The following CDH9 variants were observed in gnomAD, a reference collection of about 807,000 sequenced individuals.
The protein encoded by CDH9 is cadherin 9.
In CDH9, 28 loss-of-function variants were observed where a neutral mutation model predicts 70.9. The ratio of observed to expected loss-of-function variants is 0.40; its 90% CI spans 0.29 to 0.54. The LOEUF is 0.54. Ranked by LOEUF, CDH9 falls within the 20% of genes least tolerant of loss-of-function variation. The pLI, the probability that CDH9 is intolerant of heterozygous loss-of-function variation, is 0.59. For missense variants in CDH9, 874 were observed against 984.4 expected, an observed-to-expected ratio of 0.89 and a Z score of 1.50; for synonymous variants, 409 against 343.1, an observed-to-expected ratio of 1.19 and a Z score of -2.12.
At chr5:27,010,300 C>A (rs532121086) in intron 1 of CDH9, among the ~76,000 whole-genome samples, 1 of 152,156 alleles carries the variant, frequency 6.6e-6, no homozygotes, top group Non-Finnish European at 1.5e-5. Context: ...TAGATCCTCA[C>A]GTAAGTGGAA....
intron 1 of CDH9, among the ~76,000 whole-genome samples, chr5:27,033,475 GACAGAT>G (rs1177132368): frequency 1.3e-5 from 2 of 150,042 alleles, no homozygotes; most frequent in Admixed American, 6.7e-5. Context: ...TAGATAGACA[GACAGAT>G]AGACAGACAG....
rs6881987 is a variant in CDH9 at position 26,893,517 on chromosome 5, T to C, written c.1254-2953A>G. On this transcript the variant is annotated intron_variant, in intron 7 of 11. Coordinates refer to ENST00000231021, the MANE Select transcript of CDH9 (RefSeq NM_016279.4). ...TAATCGTTATTGTAATCTTTTCACA[T>C]GGTGTTATGAAAAGAATTTAGGCAC... 4.1e-3 allele frequency among the ~76,000 whole-genome samples: 617 copies of C among 152,210 alleles called. 5 individuals carry two copies. Among genetic ancestry groups the C allele is most frequent in the African/African-American group, 0.014 (586 of 41,548 alleles).
intron 2 of CDH9, among the ~76,000 whole-genome samples, chr5:26,925,574 T>C (rs571434229): frequency 2.0e-5 from 3 of 152,304 alleles, no homozygotes; most frequent in Non-Finnish European, 4.4e-5. Context: ...TTTGTCTATT[T>C]TGGCTTTTGT....
At chr5:26,885,462 T>C (rs1740547907) in intron 11 of CDH9, 152 bp downstream of exon 11, 1 of 721,218 alleles carries the variant, frequency 1.4e-6, no homozygotes, top group Non-Finnish European at 2.3e-6. Context: ...ACAAAAACGC[T>C]TATTTTTTCC....
chr5:26,940,233 A>G (rs1741636839), intron 2 of CDH9, among the ~76,000 whole-genome samples: 1 of 151,944 alleles, frequency 6.6e-6, no homozygotes, highest in Non-Finnish European at 1.5e-5. Flanking sequence ...TATAGGATGG[A>G]TGGCATAATT....
intron 2 of CDH9, among the ~76,000 whole-genome samples, chr5:26,929,716 A>T (rs1360732392): frequency 6.6e-6 from 1 of 152,114 alleles, no homozygotes; most frequent in East Asian, 1.9e-4. Context: ...GGAGGTCATT[A>T]TGTTAAGTGG....
At chr5:27,007,481 ATATAG>A (rs1194929027) in intron 1 of CDH9, among the ~76,000 whole-genome samples, 4 of 152,140 alleles carry the variant, frequency 2.6e-5, no homozygotes, top group Non-Finnish European at 4.4e-5. Context: ...ATGATACATA[ATATAG>A]TAATCAATTA....
At chr5:27,003,178 T>C (rs1194769795) in intron 1 of CDH9, among the ~76,000 whole-genome samples, 1 of 152,140 alleles carries the variant, frequency 6.6e-6, no homozygotes, top group Non-Finnish European at 1.5e-5. Context: ...AGGTTGGCAC[T>C]CAAACAGTTT....
chr5:27,022,297 C>T (rs1257960614), intron 1 of CDH9, among the ~76,000 whole-genome samples: 1 of 151,520 alleles, frequency 6.6e-6, no homozygotes. Flanking sequence ...GATCATTGGA[C>T]CTTAGAATTA....
chr5:26,942,453 G>T (rs1741678908), intron 2 of CDH9, among the ~76,000 whole-genome samples: 1 of 151,958 alleles, frequency 6.6e-6, no homozygotes, highest in South Asian at 2.1e-4. Context: ...CCTCTTAACG[G>T]CCCCACATTT....
At chr5:26,979,225 G>T (rs569093540) in intron 2 of CDH9, among the ~76,000 whole-genome samples, 4 of 151,416 alleles carry the variant, frequency 2.6e-5, no homozygotes, top group East Asian at 1.9e-4. Context: ...ATAGAACAAA[G>T]TCTTGCAAGA....
chr5:26,888,894 T>C (rs970358566), intron 9 of CDH9, among the ~76,000 whole-genome samples: 6 of 152,176 alleles, frequency 3.9e-5, no homozygotes, highest in Non-Finnish European at 5.9e-5. Flanking sequence ...TGTTATCTTT[T>C]CTTTGTATGC....
chr5:26,913,857 C>T (rs1190035161), intron 3 of CDH9, among the ~76,000 whole-genome samples: 1 of 151,190 alleles, frequency 6.6e-6, no homozygotes, highest in Non-Finnish European at 1.5e-5. Flanking sequence ...ATTAGTATTT[C>T]ACATGAGACA....
chr5:26,955,604 CTG>C lies in CDH9; in HGVS notation c.228+32500_228+32501del, dbSNP rs1305395324. Among the ~76,000 whole-genome samples the C allele has an allele frequency of 3.4e-3, 379 of 112,614 alleles. 1 individual carries two copies. Among genetic ancestry groups the C allele is most frequent in the East Asian group, 6.9e-3 (23 of 3,338 alleles). The allele number at this position is 112,614 out of a possible 152,430, so 73.9% of individuals were successfully genotyped here. On this transcript the variant is annotated intron_variant, in intron 2 of 11. Coordinates refer to ENST00000231021, the MANE Select transcript of CDH9 (RefSeq NM_016279.4). ...TCTCTCTCTCTCTCTCTCTCTCTCT[CTG>C]TGTGTGTTTCTCATTATTTCAATTT...
At position 26,880,678 on chromosome 5, in the gene CDH9, A is replaced by G. The variant is rs1035907570; in HGVS notation, c.*458T>C. On this transcript the variant is annotated 3_prime_UTR_variant, in exon 12 of 12. Coordinates refer to ENST00000231021, the MANE Select transcript of CDH9 (RefSeq NM_016279.4). ...TATAAAAATATGAATGAATTAACAC[A>G]AAGACATTCTTCAACTAAATAAATA... is the stretch of plus-strand genomic sequence containing the variant. The G allele has an allele frequency of 3.9e-5, 6 of 152,612 alleles. No homozygotes were observed. Among genetic ancestry groups the G allele is most frequent in the African/African-American group, 1.4e-4 (6 of 41,452 alleles). The allele number at this position is 152,612 out of a possible 1,614,324, so 9.5% of individuals were successfully genotyped here.
In CDH9 at chr5:26,908,615, T is replaced by C. The variant is rs533334152; in HGVS notation, c.524-1777A>G. Among the ~76,000 whole-genome samples the C allele has an allele frequency of 4.0e-3, 605 of 152,310 alleles. 1 individual carries two copies. Among genetic ancestry groups the C allele is most frequent in the African/African-American group, 0.014 (572 of 41,570 alleles). The stretch of plus-strand genomic sequence containing the variant: ...TATTTGACTCTTTCAAATAATATTT[T>C]TGTGGAATTTTAATTTCGATTATTA... On this transcript the variant is annotated intron_variant, in intron 3 of 11. Transcript: ENST00000231021.
chr5:26,965,975 ATATAG>A (rs1260996867), intron 2 of CDH9, among the ~76,000 whole-genome samples: 1 of 152,196 alleles, frequency 6.6e-6, no homozygotes, highest in East Asian at 1.9e-4. Context: ...ATGTTATATT[ATATAG>A]TATTTTTCAC....
At chr5:26,906,694 A>T in intron 4 of CDH9, 25 bp downstream of exon 4, 1 of 1,611,268 alleles carries the variant, frequency 6.2e-7, no homozygotes, top group African/African-American at 1.3e-5. Flanking sequence ...TACAATAAGA[A>T]GTCAGCCAAG....
chr5:27,032,389 A>G (rs954272629), intron 1 of CDH9, among the ~76,000 whole-genome samples: 1 of 151,658 alleles, frequency 6.6e-6, no homozygotes, highest in Non-Finnish European at 1.5e-5. Context: ...TATTATTATA[A>G]TAGTTAATTA....
Sources: gnomAD v4.1 joint callset for allele counts (sites outside exome capture counted in the v4.1 genomes callset) on GRCh38, gnomAD v4.1.1 for gene constraint, MANE v1.5 for transcripts, NCBI Gene and HGNC (gene_info 2026-07-23, HGNC 2026-07-21) for gene names.